CTDP1: variants seen among roughly 807,000 people sequenced by gnomAD.
CTDP1 encodes RNA polymerase II subunit A C-terminal domain phosphatase.
CTDP1 carries 47 observed loss-of-function variants against 91.8 expected under a neutral mutation model. The observed-to-expected ratio is 0.51, with a 90% CI of 0.41 to 0.65. The LOEUF (loss-of-function observed/expected upper bound fraction) is 0.65, where lower values mean the gene tolerates loss of function less well. Ranked by LOEUF, CTDP1 falls within the 30% of genes least tolerant of loss-of-function variation. The pLI, the probability that CTDP1 is intolerant of heterozygous loss-of-function variation, is 0.00. For missense variants in CTDP1, 1,272 were observed against 1,373.7 expected (o/e 0.93, Z 1.17); for synonymous variants, 656 against 598.5 (o/e 1.10, Z -1.40).
rs560054539 is a variant in CTDP1 at position 79,698,129 on chromosome 18, C to T, written c.621+141C>T. 56 of 1,263,032 alleles carry T rather than the reference C, an allele frequency of 4.4e-5. No homozygotes were observed. The African/African-American group carries it at 7.1e-4, about 16-fold the overall frequency. 78.2% of individuals were successfully genotyped at this position (1,263,032 alleles called of 1,614,324 possible). A position where few individuals can be genotyped will look rare whatever the true frequency, so the allele number is the denominator to read the frequency against. ...GGAAAGCAGACTTGCTAGTTCTGGG[C>T]GTGGGCCGTGTGTCTGCTGGGCTGT... On this transcript the variant is annotated intron_variant, in intron 4 of 12. Coordinates refer to ENST00000613122, the MANE Select transcript of CTDP1 (RefSeq NM_004715.5).
intron 4 of CTDP1, among the ~76,000 whole-genome samples, chr18:79,698,478 A>G (rs967308138): frequency 3.3e-5 from 5 of 152,126 alleles, no homozygotes; most frequent in African/African-American, 1.2e-4. Flanking sequence ...TCCAGGGGAA[A>G]CACGGGGAAA....
chr18:79,726,697 T>C (rs2086449519), intron 10 of CTDP1, among the ~76,000 whole-genome samples: 1 of 151,860 alleles, frequency 6.6e-6, no homozygotes, highest in Non-Finnish European at 1.5e-5. Context: ...CGGCCTCTTT[T>C]TGATGCCTGA....
intron 12 of CTDP1, among the ~76,000 whole-genome samples, chr18:79,744,703 C>T (rs554065390): frequency 2.2e-3 from 334 of 152,286 alleles, no homozygotes; most frequent in Middle Eastern, 0.01. Context: ...CACATGTGCA[C>T]CGGAAGTGAG....
At chr18:79,744,719 A>G (rs1260588273) in intron 12 of CTDP1, among the ~76,000 whole-genome samples, 1 of 152,158 alleles carries the variant, frequency 6.6e-6, no homozygotes, top group African/African-American at 2.4e-5. Context: ...GTGAGAACCA[A>G]CTCACCAGTG....
chr18:79,719,446 CAG>C (rs1446304167), intron 10 of CTDP1, among the ~76,000 whole-genome samples: 1 of 152,142 alleles, frequency 6.6e-6, no homozygotes, highest in Non-Finnish European at 1.5e-5. Flanking sequence ...ATTCTGATGA[CAG>C]GGAAGAGGAT....
At chr18:79,706,864 C>T (rs901481944) in intron 5 of CTDP1, among the ~76,000 whole-genome samples, 3 of 152,264 alleles carry the variant, frequency 2.0e-5, no homozygotes, top group Admixed American at 1.3e-4. Flanking sequence ...AAGGCGCACA[C>T]CAGCGGGCAC....
Position 79,680,042 on chromosome 18 carries a change from T to C in CTDP1, c.95T>C (p.Leu32Pro). ...VRCPGPAPLR[L>P]LEWRVAAGAA... ...TGCCCGGGGCCCGCGCCGCTGCGCC[T>C]GCTGGAGTGGAGGGTGGCGGCGGGC... Residue 32 changes from leucine to proline, a missense_variant, in exon 1 of 13, where the codon CTG becomes CCG. Leu to Pro is a moderately conservative substitution (Grantham distance 98). Around this residue, in one of 3 missense-constraint regions of CTDP1, gnomAD observed 214 missense variants for 179.1 expected, o/e 1.19. Transcript: ENST00000613122. The C allele has an allele frequency of 7.9e-7, 1 of 1,258,578 alleles. No homozygotes were observed. Among genetic ancestry groups the C allele is most frequent in the Non-Finnish European group, 9.9e-7 (1 of 1,006,084 alleles). The allele number at this position is 1,258,578 out of a possible 1,614,324, so 78.0% of individuals were successfully genotyped here. A position where few individuals can be genotyped will look rare whatever the true frequency, so the allele number is the denominator to read the frequency against.
intron 7 of CTDP1, 122 bp from the exon 8 acceptor site, chr18:79,714,369 A>G (rs987923616): frequency 2.6e-6 from 3 of 1,139,962 alleles, no homozygotes. Flanking sequence ...CAAGGTTGCC[A>G]AGGCCTGGTC....
intron 12 of CTDP1, among the ~76,000 whole-genome samples, chr18:79,746,637 A>G (rs12608344): frequency 0.47 from 70,996 of 152,060 alleles, 16,799 homozygotes; most frequent in East Asian, 0.57. Context: ...GGGCTTAAGA[A>G]ACAAGGTCTC....
chr18:79,750,072 A>G (rs2086965712), intron 12 of CTDP1: 1 of 151,466 alleles, frequency 6.6e-6, no homozygotes, highest in Non-Finnish European at 1.5e-5. Context: ...CAAGATCTGC[A>G]GATGAGGCAT....
At chr18:79,679,290 G>T (rs1030084223), upstream of CTDP1, 2 of 409,394 alleles carry the variant, frequency 4.9e-6, no homozygotes, top group Non-Finnish European at 1.0e-5. Context: ...GGGTCCGGGG[G>T]GGGACACGAG....
At chr18:79,721,562 C>T (rs955515474) in intron 10 of CTDP1, among the ~76,000 whole-genome samples, 1 of 152,204 alleles carries the variant, frequency 6.6e-6, no homozygotes, top group Non-Finnish European at 1.5e-5. Flanking sequence ...GTACTGCGAA[C>T]AGCACCTGTT....
chr18:79,679,651 A>AG (rs2085310115), upstream of CTDP1: 1 of 504,102 alleles, frequency 2.0e-6, no homozygotes, highest in Non-Finnish European at 3.9e-6. Context: ...TCCGAGGAAA[A>AG]GTAGGTAGGG....
At position 79,753,920 on chromosome 18, in the gene CTDP1, T is replaced by C. The variant is rs2087053022; in HGVS notation, c.*130T>C. On this transcript the variant is annotated 3_prime_UTR_variant, in exon 13 of 13. Transcript: ENST00000613122. ...ACATGTATATTTGCAGAGCTCCACA[T>C]ACAGAAACACATTATTTTGCAGAAA... is the stretch of plus-strand genomic sequence containing the variant. The C allele has an allele frequency of 3.3e-6, 4 of 1,227,674 alleles. No individual in the cohort carries two copies. The highest frequency in any genetic ancestry group is 4.6e-6 in the Non-Finnish European group (4 of 874,286). 76.0% of individuals were successfully genotyped at this position (1,227,674 alleles called of 1,614,324 possible). A position where few individuals can be genotyped will look rare whatever the true frequency, so the allele number is the denominator to read the frequency against.
At chr18:79,722,854 G>A (rs1236327020) in intron 10 of CTDP1, among the ~76,000 whole-genome samples, 1 of 152,200 alleles carries the variant, frequency 6.6e-6, no homozygotes, top group African/African-American at 2.4e-5. Flanking sequence ...TTCGTGCTGC[G>A]GTGAGGACCT....
intron 12 of CTDP1, among the ~76,000 whole-genome samples, chr18:79,746,536 A>G (rs1173083936): frequency 6.6e-6 from 1 of 152,262 alleles, no homozygotes; most frequent in Non-Finnish European, 1.5e-5. Context: ...TAGCTACACA[A>G]ACTGCATCTC....
chr18:79,708,990 T>G (rs779446784), intron 5 of CTDP1, among the ~76,000 whole-genome samples: 1 of 152,260 alleles, frequency 6.6e-6, no homozygotes, highest in Non-Finnish European at 1.5e-5. Flanking sequence ...GGAATACCTA[T>G]CTCTTGAGGT....
chr18:79,715,324 A>G lies in CTDP1; in HGVS notation c.1864A>G (p.Ile622Val). 1.2e-6 allele frequency: 2 copies of G among 1,609,382 alleles called. No individual in the cohort carries two copies. The highest frequency in any genetic ancestry group is 1.7e-6 in the Non-Finnish European group (2 of 1,177,742). The change falls in exon 8 of 13, where the codon ATC becomes GTC. Residue 622 changes from isoleucine to valine, a missense_variant. Ile to Val is a conservative substitution (Grantham distance 29, BLOSUM62 3). Coordinates refer to ENST00000613122, the MANE Select transcript of CTDP1 (RefSeq NM_004715.5). ...CAAGGAGATCGAGGAGGCGCCGGAC[A>G]TCCGCAAGATCGTGCCGGAGCTCAA... ...LNKEIEEAPD[I>V]RKIVPELKSK... is the part of the protein sequence containing the mutation.
intron 11 of CTDP1, among the ~76,000 whole-genome samples, chr18:79,735,100 A>G (rs2086639208): frequency 6.6e-6 from 1 of 151,824 alleles, no homozygotes; most frequent in Non-Finnish European, 1.5e-5. Context: ...CTGAGCTGTG[A>G]TTTCTGATCG....
Sources: gnomAD v4.1 joint callset for allele counts (sites outside exome capture counted in the v4.1 genomes callset) on GRCh38, gnomAD v4.1.1 for gene constraint, gnomAD v4.1.1 regional missense constraint, MANE v1.5 for transcripts, NCBI Gene and HGNC (gene_info 2026-07-23, HGNC 2026-07-21) for gene names.